The following CCSER1 variants were observed in gnomAD, a reference collection of about 807,000 sequenced individuals.
CCSER1 encodes coiled-coil serine rich protein 1, also known as serine-rich coiled-coil domain-containing protein 1.
A neutral mutation model predicts 82.0 loss-of-function variants in CCSER1; 41 were observed. The ratio of observed to expected loss-of-function variants is 0.50; its 90% CI spans 0.39 to 0.65. The LOEUF is 0.65. CCSER1 is among the 30% of genes least tolerant of loss of function. The pLI is 0.00. For synonymous variants in CCSER1, 414 were observed against 383.9 expected, an observed-to-expected ratio of 1.08 and a Z score of -0.92; for missense variants, 1,119 against 1,064.2, an observed-to-expected ratio of 1.05 and a Z score of -0.72.
chr4:90,628,244 C>T lies in CCSER1; in HGVS notation c.1932+12C>T. 1 of 1,604,504 alleles carries T rather than the reference C, an allele frequency of 6.2e-7. No homozygotes were observed. Among genetic ancestry groups the T allele is most frequent in the East Asian group, 2.2e-5 (1 of 44,810 alleles). ...GAGTTCTTCAAGAGGTAATGGTTTC[C>T]TCTAAGATTAATGTCCTTCAGTGCT... On this transcript the variant is annotated intron_variant, in intron 6 of 10. Coordinates refer to ENST00000509176, the MANE Select transcript of CCSER1 (RefSeq NM_001145065.2).
intron 10 of CCSER1, among the ~76,000 whole-genome samples, chr4:91,447,241 C>G (rs2149414752): frequency 6.6e-6 from 1 of 152,260 alleles, no homozygotes; most frequent in East Asian, 1.9e-4. Flanking sequence ...TGCTTCGTGT[C>G]ATAGAACATA....
chr4:90,368,745 T>C (rs1231749185), intron 3 of CCSER1, among the ~76,000 whole-genome samples: 1 of 151,804 alleles, frequency 6.6e-6, no homozygotes, highest in Non-Finnish European at 1.5e-5. Flanking sequence ...GTTTTATTTT[T>C]ATCCATAGCA....
intron 10 of CCSER1, among the ~76,000 whole-genome samples, chr4:91,458,134 T>G (rs1459506044): frequency 6.6e-6 from 1 of 152,166 alleles, no homozygotes; most frequent in Non-Finnish European, 1.5e-5. Context: ...TTTATAGTTT[T>G]GAGTCTAAGT....
chr4:91,367,945 G>T (rs891902677), intron 10 of CCSER1, among the ~76,000 whole-genome samples: 14 of 152,088 alleles, frequency 9.2e-5, no homozygotes, highest in African/African-American at 3.1e-4. Context: ...TAATAAATGT[G>T]TCTTACTTTT....
intron 1 of CCSER1, among the ~76,000 whole-genome samples, chr4:90,225,313 C>T (rs558362824): frequency 6.6e-6 from 1 of 150,570 alleles, no homozygotes; most frequent in Admixed American, 6.7e-5. Context: ...TGGGTTCAAG[C>T]CTTCTGCCCA....
At chr4:90,153,885 G>T (rs888133992) in intron 1 of CCSER1, among the ~76,000 whole-genome samples, 1 of 152,008 alleles carries the variant, frequency 6.6e-6, no homozygotes, top group Non-Finnish European at 1.5e-5. Context: ...TCTTTAATTA[G>T]ATCCCATTTG....
chr4:90,430,372 A>T (rs1157163652), intron 4 of CCSER1, among the ~76,000 whole-genome samples: 1 of 151,940 alleles, frequency 6.6e-6, no homozygotes, highest in African/African-American at 2.4e-5. Flanking sequence ...TTCATTTTCA[A>T]GGAGATTTCA....
chr4:91,358,683 T>G (rs1374470640), intron 10 of CCSER1, among the ~76,000 whole-genome samples: 1 of 152,094 alleles, frequency 6.6e-6, no homozygotes, highest in African/African-American at 2.4e-5. Flanking sequence ...CAAAGACTAG[T>G]CTTACCAAGT....
At chr4:90,323,775 C>T (rs577787466) in intron 3 of CCSER1, among the ~76,000 whole-genome samples, 58 of 152,126 alleles carry the variant, frequency 3.8e-4, no homozygotes, top group African/African-American at 9.4e-4. Context: ...CCCACTAACT[C>T]GTCATTTAGC....
intron 4 of CCSER1, among the ~76,000 whole-genome samples, chr4:90,424,496 A>G (rs553296544): frequency 9.2e-5 from 14 of 152,198 alleles, no homozygotes; most frequent in Admixed American, 1.3e-4. Context: ...TTATATGGCA[A>G]ACTTTATTGT....
At chr4:90,905,345 C>T (rs908959745) in intron 8 of CCSER1, among the ~76,000 whole-genome samples, 6 of 128,136 alleles carry the variant, frequency 4.7e-5, no homozygotes, top group African/African-American at 1.2e-4. Context: ...TTGCTCACTA[C>T]GTTCTAGTCA....
At position 90,261,082 on chromosome 4, in the gene CCSER1, A is replaced by G. The variant is rs577727288; in HGVS notation, c.-41-47162A>G. Among the ~76,000 whole-genome samples, 5 of 152,156 alleles carry G rather than the reference A, an allele frequency of 3.3e-5. No individual in the cohort carries two copies. The South Asian group carries it at 1.0e-3, about 32-fold the overall frequency. On this transcript the variant is annotated intron_variant, in intron 1 of 10. Transcript: ENST00000509176. Reference sequence around the variant, plus strand: ...TTTAAGTGGAGCATTTAGGCCATTTACATTCAATGTTATTATTGAGATACG... The same window carrying G: ...TTTAAGTGGAGCATTTAGGCCATTTGCATTCAATGTTATTATTGAGATACG...
chr4:91,335,620 A>G, intron 10 of CCSER1, among the ~76,000 whole-genome samples: 1 of 152,130 alleles, frequency 6.6e-6, no homozygotes. Context: ...TAATATCCAG[A>G]ACATGAATAA....
At chr4:90,567,019 A>AC (rs61540028) in intron 5 of CCSER1, among the ~76,000 whole-genome samples, 9,709 of 124,744 alleles carry the variant, frequency 0.078, 826 homozygotes, top group African/African-American at 0.28. Context: ...TACTTAAAAA[A>AC]AAAAACAAAA....
intron 1 of CCSER1, among the ~76,000 whole-genome samples, chr4:90,160,184 G>A (rs1298763851): frequency 3.9e-5 from 6 of 152,184 alleles, no homozygotes; most frequent in Non-Finnish European, 7.3e-5. Context: ...CCTTAAGAGG[G>A]TGTGTTGGCT....
intron 3 of CCSER1, among the ~76,000 whole-genome samples, chr4:90,361,477 GA>G (rs1252160621): frequency 1.3e-5 from 2 of 152,148 alleles, no homozygotes; most frequent in Admixed American, 6.5e-5. Flanking sequence ...CCTCAAAATT[GA>G]CTTAGAAAAC....
rs190572655 is a variant in CCSER1, at chr4:90,131,037, G to A, written c.-42+3206G>A. On this transcript the variant is annotated intron_variant, in intron 1 of 10. Coordinates refer to ENST00000509176, the MANE Select transcript of CCSER1 (RefSeq NM_001145065.2). ...TTTGAGATGGAGTTTCGTTCTTGTCGCCCAGGCTGGAGTGCAGTGGCGCAA... is the reference window on the plus strand; with the variant it reads ...TTTGAGATGGAGTTTCGTTCTTGTCACCCAGGCTGGAGTGCAGTGGCGCAA... 1.1e-4 allele frequency among the ~76,000 whole-genome samples: 17 copies of A among 149,414 alleles called. No homozygotes were observed. The East Asian group carries it at 2.8e-3, about 25-fold the overall frequency.
At position 90,306,649 on chromosome 4, in the gene CCSER1, A is replaced by C. The variant is rs567803550; in HGVS notation, c.-41-1595A>C. 9.2e-5 allele frequency among the ~76,000 whole-genome samples: 14 copies of C among 152,344 alleles called. 1 individual carries two copies. In the South Asian group the frequency reaches 1.5e-3, roughly 16 times the overall value. The stretch of plus-strand genomic sequence containing the variant: ...ATTTTTGTCACATACTTGTTCAAGG[A>C]AATGAAAGTATTTTACTTGATCAGT... On this transcript the variant is annotated intron_variant, in intron 1 of 10. Transcript: ENST00000509176.
At chr4:90,378,586 G>A (rs1486351815) in intron 3 of CCSER1, among the ~76,000 whole-genome samples, 3 of 152,138 alleles carry the variant, frequency 2.0e-5, no homozygotes, top group Non-Finnish European at 4.4e-5. Flanking sequence ...GACTGGATCT[G>A]ACTGAACCAG....
Sources: allele counts gnomAD v4.1 joint callset (sites outside exome capture counted in the v4.1 genomes callset), GRCh38; gene constraint gnomAD v4.1.1; transcripts MANE v1.5; gene names NCBI Gene and HGNC (gene_info 2026-07-23, HGNC 2026-07-21).